Variants in UTS2 observed in about 807,000 individuals in gnomAD.
UTS2 encodes urotensin 2.
In UTS2, 10 loss-of-function variants were observed where a neutral mutation model predicts 12.6. The ratio of observed to expected loss-of-function variants is 0.80; its 90% confidence interval spans 0.49 to 1.35. UTS2 has a LOEUF of 1.35. Ranked by LOEUF, UTS2 falls within the 40% of genes most tolerant of loss-of-function variation. UTS2 has a pLI of 0.00. For missense variants in UTS2, 142 were observed against 143.2 expected (o/e 0.99, Z 0.04); for synonymous variants, 52 against 50.0 (o/e 1.04, Z -0.17).
the UTS2 span, among the ~76,000 whole-genome samples, chr1:7,879,062 T>C: frequency 6.6e-6 from 1 of 152,174 alleles, no homozygotes; most frequent in Non-Finnish European, 1.5e-5. Flanking sequence ...CAATAACAGT[T>C]GGAGACTTTA....
intron 3 of UTS2, among the ~76,000 whole-genome samples, 187 bp downstream of exon 3, chr1:7,849,453 C>T (rs896317795): frequency 5.9e-5 from 9 of 152,166 alleles, no homozygotes; most frequent in East Asian, 1.9e-4. Context: ...TCAGGTGGTC[C>T]GCCCGCCTCG....
At chr1:7,864,728 T>G in the UTS2 span, among the ~76,000 whole-genome samples, 2 of 152,230 alleles carry the variant, frequency 1.3e-5, no homozygotes, top group Non-Finnish European at 2.9e-5. Flanking sequence ...TAGGTAAGTA[T>G]CAGTACCCCC....
At chr1:7,868,855 TGA>T in the UTS2 span, among the ~76,000 whole-genome samples, 3 of 151,998 alleles carry the variant, frequency 2.0e-5, no homozygotes, top group African/African-American at 7.2e-5. Context: ...ATCATGAGGG[TGA>T]GACCCCCATG....
chr1:7,905,209 T>A, the UTS2 span, among the ~76,000 whole-genome samples: 1 of 151,180 alleles, frequency 6.6e-6, no homozygotes, highest in Admixed American at 6.6e-5. Context: ...AATGGCGCGA[T>A]CTTGGCTCAC....
the UTS2 span, among the ~76,000 whole-genome samples, chr1:7,886,288 A>T: frequency 6.6e-6 from 1 of 152,232 alleles, no homozygotes; most frequent in Non-Finnish European, 1.5e-5. Context: ...TCCAAGTGAC[A>T]TAAATTATTA....
chr1:7,889,523 G>A, the UTS2 span, among the ~76,000 whole-genome samples: 2 of 151,562 alleles, frequency 1.3e-5, no homozygotes, highest in Admixed American at 6.6e-5. Context: ...AGAAAGATCC[G>A]GCCAGGTGCA....
chr1:7,870,498 C>T, the UTS2 span, among the ~76,000 whole-genome samples: 1 of 152,222 alleles, frequency 6.6e-6, no homozygotes, highest in African/African-American at 2.4e-5. Flanking sequence ...ATCCTTCACA[C>T]TTCTATTCCA....
the UTS2 span, among the ~76,000 whole-genome samples, chr1:7,898,221 T>G: frequency 1.3e-5 from 2 of 152,204 alleles, no homozygotes; most frequent in Admixed American, 1.3e-4. Flanking sequence ...GCGATTGTTT[T>G]GTCCAAACCT....
chr1:7,869,606 C>T, the UTS2 span, among the ~76,000 whole-genome samples: 1 of 152,184 alleles, frequency 6.6e-6, no homozygotes, highest in South Asian at 2.1e-4. Flanking sequence ...CAGAAATGTC[C>T]ATCACCATCC....
At chr1:7,877,392 A>G in the UTS2 span, among the ~76,000 whole-genome samples, 3 of 152,184 alleles carry the variant, frequency 2.0e-5, no homozygotes, top group Non-Finnish European at 4.4e-5. Context: ...TTCAACAACA[A>G]CAAAATAGAT....
chr1:7,912,247 A>T, the UTS2 span, among the ~76,000 whole-genome samples: 1 of 152,110 alleles, frequency 6.6e-6, no homozygotes, highest in South Asian at 2.1e-4. Flanking sequence ...TCACACAGGT[A>T]CTCTGAGATT....
chr1:7,891,963 G>A, the UTS2 span, among the ~76,000 whole-genome samples: 1 of 152,144 alleles, frequency 6.6e-6, no homozygotes, highest in Non-Finnish European at 1.5e-5. Context: ...TCTTGATGGT[G>A]GCGACAGTTT....
the UTS2 span, among the ~76,000 whole-genome samples, chr1:7,885,911 G>GTT: frequency 1.2e-5 from 1 of 82,530 alleles, no homozygotes; most frequent in African/African-American, 5.3e-5. Flanking sequence ...GGTGGGGTGG[G>GTT]GGGGGGCGGG....
chr1:7,878,635 G>A, the UTS2 span, among the ~76,000 whole-genome samples: 1 of 152,010 alleles, frequency 6.6e-6, no homozygotes, highest in African/African-American at 2.4e-5. Flanking sequence ...AGTCTAAGAT[G>A]AAAGGATCAC....
At chr1:7,906,175 T>C in the UTS2 span, among the ~76,000 whole-genome samples, 1 of 152,248 alleles carries the variant, frequency 6.6e-6, no homozygotes, top group East Asian at 1.9e-4. Flanking sequence ...GCTCCTGTTT[T>C]CATAAAATTT....
the UTS2 span, among the ~76,000 whole-genome samples, chr1:7,860,090 G>C: frequency 1.3e-5 from 2 of 152,244 alleles, 1 homozygote; most frequent in African/African-American, 4.8e-5. Context: ...CTCATTCAAC[G>C]AACATTGAGC....
the UTS2 span, among the ~76,000 whole-genome samples, chr1:7,861,041 C>CAAAAAA: frequency 1.3e-5 from 1 of 74,762 alleles, no homozygotes; most frequent in African/African-American, 4.9e-5. Flanking sequence ...GGCCTTATCT[C>CAAAAAA]AAAAAAAAAA....
the UTS2 span, among the ~76,000 whole-genome samples, chr1:7,862,551 C>T: frequency 1.2e-4 from 19 of 152,074 alleles, no homozygotes; most frequent in African/African-American, 2.9e-4. Flanking sequence ...AGAAGCATGG[C>T]GCTGGCATCT....
the UTS2 span, among the ~76,000 whole-genome samples, chr1:7,893,566 G>T: frequency 6.6e-6 from 1 of 152,102 alleles, no homozygotes; most frequent in African/African-American, 2.4e-5. Flanking sequence ...TACCAATTTT[G>T]CAAAAATAGG....
Sources: gnomAD v4.1 joint callset for allele counts (sites outside exome capture counted in the v4.1 genomes callset) on GRCh38, gnomAD v4.1.1 for gene constraint, MANE v1.5 for transcripts, NCBI Gene and HGNC (gene_info 2026-07-23, HGNC 2026-07-21) for gene names.